ROBO1: variants seen among roughly 807,000 people sequenced by gnomAD.
ROBO1 encodes roundabout homolog 1.
ROBO1 carries 149 observed loss-of-function variants against 195.9 expected under a neutral mutation model. The ratio of observed to expected loss-of-function variants is 0.76; its 90% CI spans 0.67 to 0.87. The LOEUF (loss-of-function observed/expected upper bound fraction) is 0.87, where lower values mean the gene tolerates loss of function less well. Among genes scored for constraint, ROBO1 ranks in the 40% least tolerant of loss-of-function variants. ROBO1 has a pLI of 0.00. For missense variants in ROBO1, 1,933 were observed against 2,068.3 expected (o/e 0.93, Z 1.27); for synonymous variants, 816 against 733.2 (o/e 1.11, Z -1.82).
At chr3:79,267,265 A>G (rs545423287) in intron 2 of ROBO1, among the ~76,000 whole-genome samples, 1 of 151,684 alleles carries the variant, frequency 6.6e-6, no homozygotes, top group Middle Eastern at 3.4e-3. Context: ...TTTACTATTT[A>G]TAGTCCTGGG....
chr3:78,660,829 C>T (rs1488779001), intron 16 of ROBO1: 8 of 488,746 alleles, frequency 1.6e-5, no homozygotes, highest in Non-Finnish European at 2.9e-5. Flanking sequence ...AGGTAGGCCA[C>T]TATTGAAGCA....
chr3:79,213,239 C>T (rs555311037), intron 2 of ROBO1, among the ~76,000 whole-genome samples: 26 of 151,128 alleles, frequency 1.7e-4, no homozygotes, highest in Admixed American at 3.3e-4. Flanking sequence ...AGAGAGACTC[C>T]GTCTTGGAAA....
At chr3:79,406,095 A>G (rs1407748029) in intron 2 of ROBO1, among the ~76,000 whole-genome samples, 1 of 152,112 alleles carries the variant, frequency 6.6e-6, no homozygotes, top group Non-Finnish European at 1.5e-5. Flanking sequence ...TATATTTCAA[A>G]AATTTCTGCA....
chr3:79,733,784 T>C (rs534841439), intron 1 of ROBO1, among the ~76,000 whole-genome samples: 1 of 152,298 alleles, frequency 6.6e-6, no homozygotes, highest in East Asian at 1.9e-4. Context: ...TTGTCTGTTA[T>C]CTTCCTGTAT....
intron 2 of ROBO1, among the ~76,000 whole-genome samples, chr3:79,587,798 A>C (rs1348567858): frequency 6.6e-6 from 1 of 151,610 alleles, no homozygotes; most frequent in Non-Finnish European, 1.5e-5. Flanking sequence ...AGGAGGGGAC[A>C]CTCTAAGGCC....
chr3:78,733,636 T>C (rs1206638509), intron 5 of ROBO1, among the ~76,000 whole-genome samples: 1 of 152,230 alleles, frequency 6.6e-6, no homozygotes, highest in African/African-American at 2.4e-5. Context: ...ATATTTCATC[T>C]GATTAATGGA....
intron 4 of ROBO1, among the ~76,000 whole-genome samples, chr3:78,845,796 A>G (rs900932039): frequency 6.6e-6 from 1 of 152,176 alleles, no homozygotes; most frequent in African/African-American, 2.4e-5. Flanking sequence ...GGAAAAGTGC[A>G]ATAAACTGCC....
At chr3:78,639,297 A>T (rs1559681468) in intron 22 of ROBO1, among the ~76,000 whole-genome samples, 1 of 151,156 alleles carries the variant, frequency 6.6e-6, no homozygotes, top group Non-Finnish European at 1.5e-5. Flanking sequence ...TCTCTACTTA[A>T]AAAAAATATA....
At chr3:78,972,028 A>C (rs572135008) in intron 3 of ROBO1, among the ~76,000 whole-genome samples, 1 of 152,302 alleles carries the variant, frequency 6.6e-6, no homozygotes, top group Non-Finnish European at 1.5e-5. Flanking sequence ...GGCCTCCCAA[A>C]GTGCTGGGAT....
chr3:79,484,356 AT>A (rs1939034726), intron 2 of ROBO1, among the ~76,000 whole-genome samples: 1 of 152,232 alleles, frequency 6.6e-6, no homozygotes, highest in Middle Eastern at 3.4e-3. Flanking sequence ...ATATCTTTTG[AT>A]TTTGGTATAC....
chr3:79,214,638 T>A (rs2082022157), intron 2 of ROBO1, among the ~76,000 whole-genome samples: 1 of 151,516 alleles, frequency 6.6e-6, no homozygotes, highest in Non-Finnish European at 1.5e-5. Flanking sequence ...ACTTAGGAGG[T>A]GGTTCATATA....
At chr3:79,089,852 G>A (rs541210223) in intron 3 of ROBO1, among the ~76,000 whole-genome samples, 6 of 151,646 alleles carry the variant, frequency 4.0e-5, no homozygotes, top group African/African-American at 4.8e-5. Flanking sequence ...TTCTATTGGC[G>A]TTGTGTATTC....
intron 4 of ROBO1, among the ~76,000 whole-genome samples, chr3:78,914,651 G>C (rs1267528761): frequency 6.7e-6 from 1 of 148,404 alleles, no homozygotes; most frequent in Non-Finnish European, 1.5e-5. Flanking sequence ...GAAAATAGTT[G>C]CTTTTAATTT....
intron 4 of ROBO1, among the ~76,000 whole-genome samples, chr3:78,821,442 G>A (rs2030931232): frequency 6.6e-6 from 1 of 152,056 alleles, no homozygotes; most frequent in Non-Finnish European, 1.5e-5. Flanking sequence ...AGGATTACAG[G>A]CATGAGCCAC....
chr3:79,722,882 G>T lies in ROBO1; in HGVS notation c.-51+44870C>A, dbSNP rs1485842228. Reference sequence around the variant, plus strand: ...ATCACCATGGATGCCAGGCAGAGAGGTCACATATGCCCAGTCTGGAGAATA... The same window carrying T: ...ATCACCATGGATGCCAGGCAGAGAGTTCACATATGCCCAGTCTGGAGAATA... On this transcript the variant is annotated intron_variant, in intron 1 of 30. Transcript: ENST00000464233. Among the ~76,000 whole-genome samples the T allele has an allele frequency of 3.3e-5, 5 of 152,118 alleles. No individual in the cohort carries two copies. In the East Asian group the frequency reaches 9.6e-4, roughly 29 times the overall value.
chr3:78,964,451 T>C (rs2041570182), intron 3 of ROBO1, among the ~76,000 whole-genome samples: 1 of 152,030 alleles, frequency 6.6e-6, no homozygotes, highest in Admixed American at 6.6e-5. Flanking sequence ...CTAGTGAAAA[T>C]AGGAGTTAAA....
chr3:78,914,771 T>A (rs369078211), intron 4 of ROBO1, among the ~76,000 whole-genome samples: 33 of 140,934 alleles, frequency 2.3e-4, no homozygotes, highest in Non-Finnish European at 4.3e-4. Context: ...ATATATATAT[T>A]TATATAAATA....
At chr3:79,598,149 G>A (rs1183932906) in intron 1 of ROBO1, among the ~76,000 whole-genome samples, 1 of 152,062 alleles carries the variant, frequency 6.6e-6, no homozygotes, top group Non-Finnish European at 1.5e-5. Flanking sequence ...CTTATTCTAT[G>A]TCCACATTGT....
At chr3:79,172,329 T>C (rs893065611) in intron 2 of ROBO1, among the ~76,000 whole-genome samples, 12 of 152,166 alleles carry the variant, frequency 7.9e-5, no homozygotes, top group Non-Finnish European at 1.6e-4. Context: ...AACAAATACA[T>C]TGAAAAATAT....
Sources: gnomAD v4.1 joint callset for allele counts (sites outside exome capture counted in the v4.1 genomes callset) on GRCh38, gnomAD v4.1.1 for gene constraint, MANE v1.5 for transcripts, NCBI Gene and HGNC (gene_info 2026-07-23, HGNC 2026-07-21) for gene names.